Variants in POLR1A observed in about 807,000 individuals in gnomAD.
The protein encoded by POLR1A is DNA-directed RNA polymerase I subunit RPA1.
Under a neutral mutation model 205.3 loss-of-function variants are expected in POLR1A, and 84 were observed. That is an observed-to-expected ratio of 0.41 (90% CI 0.34 to 0.49). The LOEUF is 0.49. Ranked by LOEUF, POLR1A falls within the 20% of genes least tolerant of loss-of-function variation. The pLI is 0.22. For synonymous variants in POLR1A, 799 were observed against 863.7 expected (o/e 0.93, Z 1.31); for missense variants, 1,645 against 2,204.5 (o/e 0.75, Z 5.08).
chr2:86,047,537 G>C (rs888444813), intron 18 of POLR1A, among the ~76,000 whole-genome samples: 1 of 152,202 alleles, frequency 6.6e-6, no homozygotes, highest in African/African-American at 2.4e-5. Context: ...GCAGCAAAAA[G>C]GGAGAAGGAA....
rs573850949 is a variant in POLR1A at position 86,027,602 on chromosome 2, AC to A, written c.5063-80del. ...TCATGAGGTGATTATGGGGCTGAAC[AC>A]TGAAGTCTCGGGACTCAGGTGGGTC... On this transcript the variant is annotated intron_variant, in intron 33 of 33. Transcript: ENST00000263857. 310 of 1,284,916 alleles carry A rather than the reference AC, an allele frequency of 2.4e-4. 1 individual carries two copies. In the African/African-American group the frequency reaches 4.3e-3, roughly 18 times the overall value. The allele number at this position is 1,284,916 out of a possible 1,614,324, so 79.6% of individuals were successfully genotyped here. A position where few individuals can be genotyped will look rare whatever the true frequency, so the allele number is the denominator to read the frequency against.
intron 30 of POLR1A, 103 bp downstream of exon 30, chr2:86,031,227 C>G: frequency 1.2e-4 from 172 of 1,429,116 alleles, no homozygotes; most frequent in African/African-American, 2.8e-5. Context: ...ATGTTGGCTG[C>G]CCCCTGCCCA....
At chr2:86,084,241 G>C (rs1248796992) in intron 6 of POLR1A, among the ~76,000 whole-genome samples, 2 of 152,122 alleles carry the variant, frequency 1.3e-5, no homozygotes, top group Non-Finnish European at 2.9e-5. Context: ...ACTCCAGCCT[G>C]GGCAACAGAG....
At chr2:86,086,792 A>G (rs993997518) in intron 6 of POLR1A, among the ~76,000 whole-genome samples, 2 of 152,250 alleles carry the variant, frequency 1.3e-5, no homozygotes, top group African/African-American at 2.4e-5. Context: ...CACGAAAACT[A>G]TCTTCTAGAA....
At chr2:86,059,783 G>A (rs1419667500) in intron 14 of POLR1A, among the ~76,000 whole-genome samples, 1 of 152,126 alleles carries the variant, frequency 6.6e-6, no homozygotes, top group African/African-American at 2.4e-5. Context: ...CCAGGCTGGT[G>A]TCAAACTTCT....
intron 26 of POLR1A, 33 bp downstream of exon 26, chr2:86,039,294 C>T (rs1353697536): frequency 1.9e-6 from 3 of 1,611,426 alleles, no homozygotes; most frequent in African/African-American, 1.3e-5. Flanking sequence ...CATGCCTTCA[C>T]CCCGTCTGCA....
chr2:86,060,901 T>C (rs1026197274), intron 14 of POLR1A, among the ~76,000 whole-genome samples: 6 of 152,204 alleles, frequency 3.9e-5, no homozygotes, highest in Admixed American at 2.0e-4. Context: ...GTATTTGCAA[T>C]GTATATATCT....
chr2:86,073,870 T>A lies in POLR1A; in HGVS notation c.1611+1160A>T, dbSNP rs118178407. On this transcript the variant is annotated intron_variant, in intron 12 of 33. Transcript: ENST00000263857. ...TCACATGTTTGACCTGAGTTAAATG[T>A]AAGTGAAGTGAAACACACCTTGCTT... Among the ~76,000 whole-genome samples the A allele has an allele frequency of 2.5e-3, 385 of 152,344 alleles. 13 individuals carry two copies. The East Asian group carries it at 0.031, about 12-fold the overall frequency.
intron 13 of POLR1A, among the ~76,000 whole-genome samples, chr2:86,067,573 G>A (rs1313356989): frequency 2.0e-5 from 3 of 152,182 alleles, no homozygotes; most frequent in Non-Finnish European, 4.4e-5. Flanking sequence ...TAAAACCAAC[G>A]ACAAAATGTA....
intron 12 of POLR1A, among the ~76,000 whole-genome samples, chr2:86,072,325 G>C (rs80282711): frequency 6.6e-6 from 1 of 152,194 alleles, no homozygotes; most frequent in African/African-American, 2.4e-5. Context: ...GTCTGACTGC[G>C]TCATACAAGC....
Position 86,070,395 on chromosome 2 carries a change from G to A in POLR1A, c.1612-123C>T. ...TGTCTCACGTTCTAGTTAACTAAAT[G>A]CAAGGGGAATTTTTCATCTGGAGCA... On this transcript the variant is annotated intron_variant, in intron 12 of 33. Coordinates refer to ENST00000263857, the MANE Select transcript of POLR1A (RefSeq NM_015425.6). The surrounding 1 kb of genome is among the most constrained non-coding windows in gnomAD (Gnocchi z 4.4). 1 of 1,056,384 alleles carries A rather than the reference G, an allele frequency of 9.5e-7. No homozygotes were observed. The highest frequency in any genetic ancestry group is 1.4e-6 in the Non-Finnish European group (1 of 734,696). The allele number at this position is 1,056,384 out of a possible 1,614,324, so 65.4% of individuals were successfully genotyped here. A position where few individuals can be genotyped will look rare whatever the true frequency, so the allele number is the denominator to read the frequency against.
In POLR1A at chr2:86,025,169, T is replaced by C. The variant is rs1194101310; in HGVS notation, c.*2254A>G. The stretch of plus-strand genomic sequence containing the variant: ...AGAACTCACAGCTCTCATGAAAAGT[T>C]TGTGAACCCCACCAGATGATCAATC... On this transcript the variant is annotated 3_prime_UTR_variant, in exon 34 of 34. Transcript: ENST00000263857. 2 of 152,288 alleles carry C rather than the reference T, an allele frequency of 1.3e-5. No individual in the cohort carries two copies. The highest frequency in any genetic ancestry group is 2.4e-5 in the African/African-American group (1 of 41,548). 9.4% of individuals were successfully genotyped at this position (152,288 alleles called of 1,614,324 possible). A position where few individuals can be genotyped will look rare whatever the true frequency, so the allele number is the denominator to read the frequency against.
Position 86,031,634 on chromosome 2 carries a change from A to G in POLR1A, c.4274T>C (p.Val1425Ala), listed in dbSNP as rs1672396724. The change falls in exon 30 of 34, where the codon GTT becomes GCT. Residue 1425 changes from valine (V) to alanine (A), a missense_variant and splice_region_variant. This residue lies in a region of POLR1A where 394 missense variants were observed against 468.5 expected (regional missense o/e 0.84). Transcript: ENST00000263857. ...AKRKEKQEEE[V>A]DYESEEEEER... ...CTCCTCTTCCTCACTCTCATAATCA[A>G]CCTGGCAGAAAAGGGAGCACAGGCT... 9 of 1,605,770 alleles carry G rather than the reference A, an allele frequency of 5.6e-6. No homozygotes were observed. The highest frequency in any genetic ancestry group is 7.7e-6 in the Non-Finnish European group (9 of 1,174,970).
chr2:86,049,993 C>T (rs1672773746), intron 16 of POLR1A, among the ~76,000 whole-genome samples: 1 of 151,540 alleles, frequency 6.6e-6, no homozygotes. Context: ...TCTCGGCTCA[C>T]TGCAACCGCT....
intron 23 of POLR1A, 41 bp downstream of exon 23, chr2:86,042,933 T>C (rs1284105789): frequency 6.9e-7 from 1 of 1,441,924 alleles, no homozygotes; most frequent in South Asian, 1.1e-5. Context: ...TGACTAAGCC[T>C]GGACGTGCTG....
intron 16 of POLR1A, among the ~76,000 whole-genome samples, chr2:86,049,630 G>A (rs1476366134): frequency 6.6e-6 from 1 of 152,178 alleles, no homozygotes; most frequent in Non-Finnish European, 1.5e-5. Flanking sequence ...GAAAAGATAA[G>A]CTCAGGGAAA....
chr2:86,032,001 G>A (rs1051327996), intron 29 of POLR1A, among the ~76,000 whole-genome samples: 1 of 152,136 alleles, frequency 6.6e-6, no homozygotes, highest in African/African-American at 2.4e-5. Context: ...ACTTTTTCTT[G>A]CCAGAAGCCT....
intron 14 of POLR1A, among the ~76,000 whole-genome samples, chr2:86,060,461 T>C (rs910130000): frequency 6.6e-6 from 1 of 152,220 alleles, no homozygotes; most frequent in Non-Finnish European, 1.5e-5. Flanking sequence ...CAAGATTTAG[T>C]ATAAACCCAC....
At chr2:86,103,819 A>T (rs1419632791) in intron 1 of POLR1A, among the ~76,000 whole-genome samples, 1 of 152,130 alleles carries the variant, frequency 6.6e-6, no homozygotes, top group Non-Finnish European at 1.5e-5. Context: ...GTGCAAAATG[A>T]CCTCACAAAA....
Sources: allele counts gnomAD v4.1 joint callset (sites outside exome capture counted in the v4.1 genomes callset), GRCh38; gene constraint gnomAD v4.1.1; regional missense constraint gnomAD v4.1.1; non-coding constraint Gnocchi (gnomAD v3.1); transcripts MANE v1.5; gene names NCBI Gene and HGNC (gene_info 2026-07-23, HGNC 2026-07-21).